DHCR24: variants seen among roughly 807,000 people sequenced by gnomAD.
DHCR24 encodes the protein delta(24)-sterol reductase.
DHCR24 carries 28 observed loss-of-function variants against 61.2 expected under a neutral mutation model. The observed-to-expected ratio is 0.46, with a 90% CI of 0.34 to 0.63. DHCR24 has a LOEUF of 0.63. DHCR24 is among the 20% of genes least tolerant of loss of function. The pLI is 0.01. For missense variants in DHCR24, 538 were observed against 679.1 expected (o/e 0.79, Z 2.31); for synonymous variants, 261 against 275.9 (o/e 0.95, Z 0.54).
Position 54,887,161 on chromosome 1 carries a change from T to A in DHCR24, c.-42A>T, listed in dbSNP as rs371075692. 3 of 1,502,268 alleles carry A rather than the reference T, an allele frequency of 2.0e-6. No homozygotes were observed. Among genetic ancestry groups the A allele is most frequent in the Admixed American group, 3.9e-5 (2 of 50,692 alleles). 93.1% of individuals were successfully genotyped at this position (1,502,268 alleles called of 1,614,324 possible). On this transcript the variant is annotated 5_prime_UTR_variant, in exon 1 of 9. Transcript: ENST00000371269. ...GTAAGCGCTGCGGGTTCGCGCCTCC[T>A]GTCACTGCCGCCAGCTCCGCGCCTG...
At position 54,883,072 on chromosome 1, in the gene DHCR24, C is replaced by CT. The variant is rs1338124848; in HGVS notation, c.387+545dup. Among the ~76,000 whole-genome samples, 1 of 152,130 alleles carries CT rather than the reference C, an allele frequency of 6.6e-6. No homozygotes were observed. The highest frequency in any genetic ancestry group is 1.5e-5 in the Non-Finnish European group (1 of 68,016). On this transcript the variant is annotated intron_variant, in intron 2 of 8. Transcript: ENST00000371269. This position sits in a 1 kb window ranked among gnomAD's most constrained non-coding sequence, Gnocchi z 4.3. ...CAAGTAGACATACCATATTTAATGA[C>CT]TACCCTATTATTGGATATTGTGTTG...
At chr1:54,863,040 A>T (rs1646947375) in intron 6 of DHCR24, among the ~76,000 whole-genome samples, 1 of 136,860 alleles carries the variant, frequency 7.3e-6, no homozygotes, top group Admixed American at 8.4e-5. Context: ...GCGCCACTGC[A>T]CTCCAGCCTG....
At chr1:54,871,217 T>C in intron 5 of DHCR24, 133 bp downstream of exon 5, 1 of 978,912 alleles carries the variant, frequency 1.0e-6, no homozygotes, top group East Asian at 2.6e-5. Context: ...CTGTTGCCTG[T>C]ACCCCAGGTG....
intron 1 of DHCR24, chr1:54,886,496 C>T: frequency 5.6e-6 from 5 of 893,022 alleles, no homozygotes; most frequent in Non-Finnish European, 8.0e-6. Flanking sequence ...CATTTGCTCA[C>T]ACCAGTCCCT....
chr1:54,865,691 C>T (rs939763447), intron 5 of DHCR24, among the ~76,000 whole-genome samples: 18 of 152,178 alleles, frequency 1.2e-4, no homozygotes, highest in Non-Finnish European at 2.2e-4. Flanking sequence ...GAGTCCCCGA[C>T]AGTCTAGAGA....
chr1:54,874,132 AAT>A (rs1647013836), intron 4 of DHCR24, among the ~76,000 whole-genome samples: 1 of 152,246 alleles, frequency 6.6e-6, no homozygotes, highest in South Asian at 2.1e-4. Flanking sequence ...ATAAAGTAAA[AAT>A]GTTATAGTAA....
intron 6 of DHCR24, among the ~76,000 whole-genome samples, chr1:54,858,737 A>G (rs1348671047): frequency 6.6e-6 from 1 of 152,108 alleles, no homozygotes; most frequent in Non-Finnish European, 1.5e-5. Context: ...TCTGGGTTCA[A>G]GTGATTCTCC....
intron 2 of DHCR24, among the ~76,000 whole-genome samples, chr1:54,878,823 C>T (rs1036553047): frequency 6.6e-6 from 1 of 152,064 alleles, no homozygotes; most frequent in African/African-American, 2.4e-5. Flanking sequence ...GGTAAAATGT[C>T]AGAGTATCAC....
At chr1:54,879,322 GAAAAAAAA>G (rs58945175) in intron 2 of DHCR24, among the ~76,000 whole-genome samples, 54,162 of 108,616 alleles carry the variant, frequency 0.5, 13,593 homozygotes, top group South Asian at 0.69. Context: ...GACTCCATCT[GAAAAAAAA>G]AAAAAAAAAA....
chr1:54,886,947 A>C lies in DHCR24; in HGVS notation c.173T>G (p.Phe58Cys). ...CAGGCGCGGAGCGCTGCTGAGCTTG[A>C]ACACCACCCAGGCGCGCACGTAGTA... ...IYYYVRAWVVFKLSSAPRLHE... is the reference protein window; with the variant it reads ...IYYYVRAWVVCKLSSAPRLHE... The change falls in exon 1 of 9, where the codon TTC becomes TGC. Residue 58 changes from phenylalanine to cysteine, a missense_variant. Coordinates refer to ENST00000371269, the MANE Select transcript of DHCR24 (RefSeq NM_014762.4). 2 of 1,613,622 alleles carry C rather than the reference A, an allele frequency of 1.2e-6. No homozygotes were observed. The highest frequency in any genetic ancestry group is 4.5e-5 in the East Asian group (2 of 44,846).
At chr1:54,857,584 G>C (rs963565752) in intron 6 of DHCR24, among the ~76,000 whole-genome samples, 12 of 152,208 alleles carry the variant, frequency 7.9e-5, no homozygotes, top group Admixed American at 3.9e-4. Flanking sequence ...AGTTTATGCA[G>C]CATTCTTAAT....
At chr1:54,860,578 TC>T (rs1646930659) in intron 6 of DHCR24, among the ~76,000 whole-genome samples, 1 of 152,104 alleles carries the variant, frequency 6.6e-6, no homozygotes, top group Admixed American at 6.5e-5. Context: ...GCCCAATACC[TC>T]CTCTGATAAC....
intron 6 of DHCR24, 140 bp downstream of exon 6, chr1:54,865,163 T>A: frequency 1.9e-6 from 2 of 1,026,666 alleles, no homozygotes; most frequent in Non-Finnish European, 2.9e-6. Context: ...ACTGTGTTGC[T>A]GCTTAAGAAG....
chr1:54,880,752 T>A (rs113814482), intron 2 of DHCR24, among the ~76,000 whole-genome samples: 13,041 of 151,188 alleles, frequency 0.086, 712 homozygotes, highest in African/African-American at 0.13. Context: ...GCCACAGAGC[T>A]AGACTCTGTC....
In DHCR24 at chr1:54,887,175, G is replaced by C; in HGVS notation, c.-56C>G. 1 of 1,452,884 alleles carries C rather than the reference G, an allele frequency of 6.9e-7. No homozygotes were observed. The highest frequency in any genetic ancestry group is 9.3e-7 in the Non-Finnish European group (1 of 1,073,248). The allele number at this position is 1,452,884 out of a possible 1,614,324, so 90.0% of individuals were successfully genotyped here. ...TTCGCGCCTCCTGTCACTGCCGCCAGCTCCGCGCCTGGCCCGCTCTGCGCC... is the reference window on the plus strand; with the variant it reads ...TTCGCGCCTCCTGTCACTGCCGCCACCTCCGCGCCTGGCCCGCTCTGCGCC... On this transcript the variant is annotated 5_prime_UTR_variant, in exon 1 of 9. Coordinates refer to ENST00000371269, the MANE Select transcript of DHCR24 (RefSeq NM_014762.4).
intron 2 of DHCR24, among the ~76,000 whole-genome samples, chr1:54,876,287 T>TA (rs1450121888): frequency 6.6e-6 from 1 of 152,062 alleles, no homozygotes; most frequent in Admixed American, 6.6e-5. Context: ...ATATTTGACT[T>TA]AACCTTTTCT....
At chr1:54,859,827 A>T (rs937054356) in intron 6 of DHCR24, among the ~76,000 whole-genome samples, 1 of 152,210 alleles carries the variant, frequency 6.6e-6, no homozygotes, top group African/African-American at 2.4e-5. Context: ...GGGAGTGGCT[A>T]ATGTTAACCA....
Position 54,875,088 on chromosome 1 carries a change from C to G in DHCR24, c.612+5G>C. 6.2e-7 allele frequency: 1 copy of G among 1,613,376 alleles called. No homozygotes were observed. The highest frequency in any genetic ancestry group is 8.5e-7 in the Non-Finnish European group (1 of 1,179,364). ...GGCATGGACATCTCCCATTGCTGAA[C>G]TCACCGGAGTGCATCGCACAAAGCT... is the stretch of plus-strand genomic sequence containing the variant. On this transcript the variant is annotated splice_donor_5th_base_variant and intron_variant, in intron 4 of 8. Coordinates refer to ENST00000371269, the MANE Select transcript of DHCR24 (RefSeq NM_014762.4).
chr1:54,871,364 C>T lies in DHCR24; in HGVS notation c.862G>A (p.Ala288Thr), dbSNP rs1307735803. 6.2e-7 allele frequency: 1 copy of T among 1,613,920 alleles called. No homozygotes were observed. Among genetic ancestry groups the T allele is most frequent in the African/African-American group, 1.3e-5 (1 of 74,896 alleles). Residue 288 changes from alanine (A) to threonine (T), a missense_variant, in exon 5 of 9, where the codon GCA becomes ACA. By Grantham distance (58) the Ala-to-Thr change is moderately conservative. Coordinates refer to ENST00000371269, the MANE Select transcript of DHCR24 (RefSeq NM_014762.4). ...VIMTGVMTDE[A>T]EPSKLNSIGN... ...CCCTGGCTTACCTTGCTGGGCTCTGCCTCATCTGTCATGACCCCTGTCATA... is the reference window on the plus strand; with the variant it reads ...CCCTGGCTTACCTTGCTGGGCTCTGTCTCATCTGTCATGACCCCTGTCATA...
Sources: gnomAD v4.1 joint callset for allele counts (sites outside exome capture counted in the v4.1 genomes callset) on GRCh38, gnomAD v4.1.1 for gene constraint, Gnocchi (gnomAD v3.1) non-coding constraint, MANE v1.5 for transcripts, NCBI Gene and HGNC (gene_info 2026-07-23, HGNC 2026-07-21) for gene names.